NUP205: variants seen among roughly 807,000 people sequenced by gnomAD.
NUP205 encodes the protein nucleoporin 205.
NUP205 carries 76 observed loss-of-function variants against 253.8 expected under a neutral mutation model. That is an observed-to-expected ratio of 0.30 (90% confidence interval 0.25 to 0.36). NUP205 has a LOEUF of 0.36. NUP205 is among the 10% of genes least tolerant of loss of function. The pLI is 1.00. For missense variants in NUP205, 2,162 were observed against 2,425.5 expected (o/e 0.89, Z 2.28); for synonymous variants, 832 against 850.1 (o/e 0.98, Z 0.37).
At chr7:135,633,114 T>C (rs188043395) in intron 35 of NUP205, among the ~76,000 whole-genome samples, 7 of 152,054 alleles carry the variant, frequency 4.6e-5, no homozygotes, top group Admixed American at 2.6e-4. Flanking sequence ...TACAGGCACA[T>C]GCTGTCACAC....
At position 135,587,867 on chromosome 7, in the gene NUP205, T is replaced by C. The variant is rs199897387; in HGVS notation, c.1348T>C (p.Tyr450His). ...TTACTCTTTGCAGATTGGCGAGCTA[T>C]ATAAAAAGAACCCTTTTCATCTGGA... ...EHLMLLIGEL[Y>H]KKNPFHLELA... The change falls in exon 10 of 43, where the codon TAT becomes CAT. Residue 450 changes from tyrosine (Y) to histidine (H), a missense_variant. This residue lies in a region of NUP205 where 892 missense variants were observed against 957.1 expected (regional missense o/e 0.93). Coordinates refer to ENST00000285968, the MANE Select transcript of NUP205 (RefSeq NM_015135.3). 5.0e-6 allele frequency: 8 copies of C among 1,612,948 alleles called. No individual in the cohort carries two copies. The highest frequency in any genetic ancestry group is 1.1e-5 in the South Asian group (1 of 90,758).
chr7:135,587,300 C>T (rs908971717), intron 8 of NUP205, among the ~76,000 whole-genome samples: 1 of 151,916 alleles, frequency 6.6e-6, no homozygotes, highest in Non-Finnish European at 1.5e-5. Flanking sequence ...AAACATTGTG[C>T]CCAAATGTCA....
Position 135,578,041 on chromosome 7 carries a change from A to G in NUP205, c.877+17A>G, listed in dbSNP as rs1584644797. 6.5e-7 allele frequency: 1 copy of G among 1,531,084 alleles called. No individual in the cohort carries two copies. The highest frequency in any genetic ancestry group is 1.1e-5 in the South Asian group (1 of 87,776). The allele number at this position is 1,531,084 out of a possible 1,614,324, so 94.8% of individuals were successfully genotyped here. On this transcript the variant is annotated intron_variant, in intron 6 of 42. Transcript: ENST00000285968. ...AACGAGATGGTATTGAGTTTTATAC[A>G]TTTTCCTACATTAAAAAAATCAGAT...
At position 135,632,935 on chromosome 7, in the gene NUP205, C is replaced by T. The variant is rs1055799933; in HGVS notation, c.5059+2465C>T. Among the ~76,000 whole-genome samples, 19 of 151,980 alleles carry T rather than the reference C, an allele frequency of 1.3e-4. No individual in the cohort carries two copies. In the South Asian group the frequency reaches 3.9e-3, roughly 31 times the overall value. Reference sequence around the variant, plus strand: ...GGTTTTCCAGTTGTGAGATAGTTAACCAGACCCTTGTTTTATTTGTTTGTT... The same window carrying T: ...GGTTTTCCAGTTGTGAGATAGTTAATCAGACCCTTGTTTTATTTGTTTGTT... On this transcript the variant is annotated intron_variant, in intron 35 of 42. Transcript: ENST00000285968.
chr7:135,601,431 G>A lies in NUP205; in HGVS notation c.2436G>A (p.Glu812=), dbSNP rs141572518. Residue 812 remains glutamate, a synonymous_variant, in exon 17 of 43, where the codon GAG becomes GAA. Transcript: ENST00000285968. ...GTCTGATGTATCATCTGCTGAATGA[G>A]TCACCAATGTTGGAGCTTGCTCTCA... ...GFSLMYHLLN[E]SPMLELALSL... The A allele has an allele frequency of 1.1e-3, 1,816 of 1,613,840 alleles. 2 individuals are homozygous for A. The highest frequency in any genetic ancestry group is 1.4e-3 in the Non-Finnish European group (1,695 of 1,179,802).
At chr7:135,604,518 T>C (rs1794043963) in intron 19 of NUP205, 58 bp downstream of exon 19, 7 of 1,511,186 alleles carry the variant, frequency 4.6e-6, no homozygotes, top group Non-Finnish European at 6.3e-6. Context: ...TGACTATATA[T>C]GGAAGTTCTA....
chr7:135,583,212 G>A (rs1177286526), intron 7 of NUP205, among the ~76,000 whole-genome samples: 2 of 152,104 alleles, frequency 1.3e-5, no homozygotes, highest in African/African-American at 4.8e-5. Flanking sequence ...ATGTACTTAC[G>A]GTAACAGACT....
chr7:135,587,403 G>C (rs1210810615), intron 8 of NUP205, among the ~76,000 whole-genome samples, 172 bp from the exon 9 acceptor site: 1 of 152,116 alleles, frequency 6.6e-6, no homozygotes, highest in Non-Finnish European at 1.5e-5. Flanking sequence ...ATTATGGGTA[G>C]TAATATTGCA....
Position 135,642,429 on chromosome 7 carries a change from C to T in NUP205, c.5393-763C>T, listed in dbSNP as rs571840602. On this transcript the variant is annotated intron_variant, in intron 38 of 42. Transcript: ENST00000285968. ...CTTGAACTCCTGGCCTCAAGCCATT[C>T]TCTCTCCTCAGCCTTCCAAATTGTT... Among the ~76,000 whole-genome samples, 22 of 152,068 alleles carry T rather than the reference C, an allele frequency of 1.4e-4. No individual in the cohort carries two copies. In the East Asian group the frequency reaches 3.9e-3, roughly 27 times the overall value.
At chr7:135,578,366 C>T (rs1406790205) in intron 6 of NUP205, among the ~76,000 whole-genome samples, 1 of 152,172 alleles carries the variant, frequency 6.6e-6, no homozygotes, top group Non-Finnish European at 1.5e-5. Context: ...CAGTGACTGT[C>T]ATTTCAGTAA....
chr7:135,566,627 C>A (rs892340737), intron 1 of NUP205, among the ~76,000 whole-genome samples: 1 of 152,166 alleles, frequency 6.6e-6, no homozygotes, highest in African/African-American at 2.4e-5. Context: ...GCTTTGCATC[C>A]TTCCCTAATC....
intron 10 of NUP205, among the ~76,000 whole-genome samples, chr7:135,589,172 T>TAA (rs746919932): frequency 1.4e-5 from 2 of 140,080 alleles, no homozygotes; most frequent in African/African-American, 2.6e-5. Context: ...CCTGACTCTT[T>TAA]AAAAAAAAAA....
At chr7:135,579,929 A>G (rs1233296128) in intron 7 of NUP205, among the ~76,000 whole-genome samples, 3 of 152,196 alleles carry the variant, frequency 2.0e-5, no homozygotes, top group African/African-American at 7.2e-5. Context: ...TACAGGTGTG[A>G]GCCACCGCGC....
intron 1 of NUP205, among the ~76,000 whole-genome samples, chr7:135,569,549 A>C (rs570840020): frequency 2.0e-5 from 3 of 151,854 alleles, no homozygotes; most frequent in Admixed American, 6.6e-5. Context: ...GACATTATCT[A>C]GTGTGACCTC....
rs546361915 is a variant in NUP205, at chr7:135,589,458, T to C, written c.1473+1466T>C. On this transcript the variant is annotated intron_variant, in intron 10 of 42. Coordinates refer to ENST00000285968, the MANE Select transcript of NUP205 (RefSeq NM_015135.3). Reference sequence around the variant, plus strand: ...CATGCGCCACCACGCCAGGCTAATTTTGTATTTTTAGTAGAGATGGGGTTT... The same window carrying C: ...CATGCGCCACCACGCCAGGCTAATTCTGTATTTTTAGTAGAGATGGGGTTT... Among the ~76,000 whole-genome samples, 171 of 151,044 alleles carry C rather than the reference T, an allele frequency of 1.1e-3. 3 individuals are homozygous for C. The highest frequency in any genetic ancestry group is 2.1e-3 in the Non-Finnish European group (139 of 67,634).
chr7:135,643,405 T>C (rs766383654), intron 39 of NUP205, 47 bp downstream of exon 39: 1 of 1,525,750 alleles, frequency 6.6e-7, no homozygotes, highest in South Asian at 1.2e-5. Flanking sequence ...ATCATTGCTG[T>C]TACTAGGCCA....
At position 135,617,289 on chromosome 7, in the gene NUP205, C is replaced by T. The variant is rs1431951933; in HGVS notation, c.3690+42C>T. On this transcript the variant is annotated intron_variant, in intron 26 of 42. Transcript: ENST00000285968. ...AGTACATATCTGCAGTGTCAAGTGG[C>T]TCAGACTTTAAGTCATCAGAAACAA... is the stretch of plus-strand genomic sequence containing the variant. 8 of 1,564,418 alleles carry T rather than the reference C, an allele frequency of 5.1e-6. No homozygotes were observed. In the Admixed American group the frequency reaches 1.3e-4, roughly 25 times the overall value.
At chr7:135,617,820 C>T (rs779948244) in intron 27 of NUP205, 138 bp downstream of exon 27, 4 of 465,730 alleles carry the variant, frequency 8.6e-6, no homozygotes, top group Non-Finnish European at 1.5e-5. Context: ...GAGTCTTTCA[C>T]TTTTGATTTT....
Position 135,606,842 on chromosome 7 carries a change from A to G in NUP205, c.2997A>G (p.Pro999=), listed in dbSNP as rs1209486010. 5 of 1,613,912 alleles carry G rather than the reference A, an allele frequency of 3.1e-6. No homozygotes were observed. Among genetic ancestry groups the G allele is most frequent in the Middle Eastern group, 1.7e-4 (1 of 6,060 alleles). Residue 999 remains proline, a synonymous_variant, in exon 21 of 43, where the codon CCA becomes CCG. Transcript: ENST00000285968. ...TCATTACCTCTCTGGAATGCAATCC[A>G]CCCAATCTTGCTCTCTACCTGTTGG... ...NLLITSLECN[P]PNLALYLLGF...
Sources: gnomAD v4.1 joint callset for allele counts (sites outside exome capture counted in the v4.1 genomes callset) on GRCh38, gnomAD v4.1.1 for gene constraint, gnomAD v4.1.1 regional missense constraint, MANE v1.5 for transcripts, NCBI Gene and HGNC (gene_info 2026-07-23, HGNC 2026-07-21) for gene names.